The following ZDHHC3 variants were observed in gnomAD, a reference collection of about 807,000 sequenced individuals.
ZDHHC3 encodes the protein zDHHC palmitoyltransferase 3, also known as palmitoyltransferase ZDHHC3.
In ZDHHC3, 9 loss-of-function variants were observed where a neutral mutation model predicts 30.6. That is an observed-to-expected ratio of 0.29 (90% CI 0.18 to 0.51). The LOEUF (loss-of-function observed/expected upper bound fraction) is 0.51, where lower values mean the gene tolerates loss of function less well. ZDHHC3 is among the 20% of genes least tolerant of loss of function. ZDHHC3 has a pLI of 0.97. For synonymous variants in ZDHHC3, 136 were observed against 140.2 expected, an observed-to-expected ratio of 0.97 and a Z score of 0.21; for missense variants, 246 against 384.2, an observed-to-expected ratio of 0.64 and a Z score of 3.01.
rs115165718 is a variant in ZDHHC3, at chr3:44,938,671, C to T, written c.432-4687G>A. Among the ~76,000 whole-genome samples, 737 of 152,264 alleles carry T rather than the reference C, an allele frequency of 4.8e-3. 5 individuals are homozygous for T. Among genetic ancestry groups the T allele is most frequent in the African/African-American group, 0.017 (701 of 41,542 alleles). On this transcript the variant is annotated intron_variant, in intron 3 of 6. Transcript: ENST00000424952. ...GGTGGATGCTGGAGGAAGGGCTGGG[C>T]GTTGGGGCCTTGCTGGATCACACTC...
rs148559652 is a variant in ZDHHC3 at position 44,922,498 on chromosome 3, C to T, written c.*4191G>A. On this transcript the variant is annotated 3_prime_UTR_variant, in exon 7 of 7. Transcript: ENST00000424952. The stretch of plus-strand genomic sequence containing the variant: ...CTTGGCAGTTGTTTGTTGGGGAGGC[C>T]GCAGCTTATGAGGGAAGGCAGTCTC... The T allele has an allele frequency of 0.011, 10,589 of 985,354 alleles. 105 individuals carry two copies. The highest frequency in any genetic ancestry group is 0.044 in the African/African-American group (2,504 of 57,322). The allele number at this position is 985,354 out of a possible 1,614,324, so 61.0% of individuals were successfully genotyped here.
chr3:44,959,353 G>C lies in ZDHHC3; in HGVS notation c.84C>G (p.Pro28=). 6.2e-7 allele frequency: 1 copy of C among 1,614,222 alleles called. No homozygotes were observed. Among genetic ancestry groups the C allele is most frequent in the Non-Finnish European group, 8.5e-7 (1 of 1,180,016 alleles). ...ACATGGTTCCCACAGGACCAGGGTA[G>C]GGGGGTGGGACACACTTCTCTGGCT... ...YLQPEKCVPP[P]YPGPVGTMWF... The change falls in exon 2 of 7, where the codon CCC becomes CCG. Residue 28 remains proline (P), a synonymous_variant. Coordinates refer to ENST00000424952, the MANE Select transcript of ZDHHC3 (RefSeq NM_001135179.2). This position sits in a 1 kb window ranked among gnomAD's most constrained non-coding sequence, Gnocchi z 4.3.
rs895861085 is a variant in ZDHHC3, at chr3:44,918,204, A to G, written c.*8485T>C. The G allele has an allele frequency of 4.8e-6, 6 of 1,250,692 alleles. 1 individual carries two copies. In the Admixed American group the frequency reaches 7.5e-5, roughly 16 times the overall value. 77.5% of individuals were successfully genotyped at this position (1,250,692 alleles called of 1,614,324 possible). A position where few individuals can be genotyped will look rare whatever the true frequency, so the allele number is the denominator to read the frequency against. ...TGGTGCTGGGCTGTACAGCTCACAT[A>G]GACACCCCCAGCTATAGCATAGCAG... is the stretch of plus-strand genomic sequence containing the variant. On this transcript the variant is annotated 3_prime_UTR_variant, in exon 7 of 7. Transcript: ENST00000424952.
intron 2 of ZDHHC3, among the ~76,000 whole-genome samples, chr3:44,952,357 C>A (rs1575884041): frequency 6.6e-6 from 1 of 152,188 alleles, no homozygotes; most frequent in African/African-American, 2.4e-5. Flanking sequence ...TCATCATCTG[C>A]CCCAGACTAT....
chr3:44,929,647 C>G (rs1409238671), intron 5 of ZDHHC3, among the ~76,000 whole-genome samples: 1 of 152,202 alleles, frequency 6.6e-6, no homozygotes, highest in African/African-American at 2.4e-5. Context: ...CTCAACAGGC[C>G]AGGCCCCAGC....
Position 44,919,155 on chromosome 3 carries a change from C to G in ZDHHC3, c.*7534G>C, listed in dbSNP as rs1700421214. The G allele has an allele frequency of 1.1e-6, 1 of 950,710 alleles. No homozygotes were observed. Among genetic ancestry groups the G allele is most frequent in the African/African-American group, 1.8e-5 (1 of 56,316 alleles). The allele number at this position is 950,710 out of a possible 1,614,324, so 58.9% of individuals were successfully genotyped here. ...AAGTATATCCTCATAAGATACTTAT[C>G]AATTACAAAGGGAAAAACAGTACCT... On this transcript the variant is annotated 3_prime_UTR_variant, in exon 7 of 7. Transcript: ENST00000424952.
rs1700919142 is a variant in ZDHHC3, at chr3:44,925,625, A to G, written c.*1064T>C. On this transcript the variant is annotated 3_prime_UTR_variant, in exon 7 of 7. Transcript: ENST00000424952. Reference sequence around the variant, plus strand: ...TTTGAAAGGGTGGGGACTGTGAGGTAACCCCAGCATCATGGTCATCTCCAT... The same window carrying G: ...TTTGAAAGGGTGGGGACTGTGAGGTGACCCCAGCATCATGGTCATCTCCAT... 1.7e-5 allele frequency: 17 copies of G among 985,378 alleles called. No individual in the cohort carries two copies. Among genetic ancestry groups the G allele is most frequent in the Non-Finnish European group, 2.0e-5 (17 of 829,962 alleles). The allele number at this position is 985,378 out of a possible 1,614,324, so 61.0% of individuals were successfully genotyped here. A position where few individuals can be genotyped will look rare whatever the true frequency, so the allele number is the denominator to read the frequency against.
chr3:44,929,456 CAG>C lies in ZDHHC3; in HGVS notation c.611-22_611-21del. The stretch of plus-strand genomic sequence containing the variant: ...TGCACTCTGAAAGAGAAGCAGCACA[CAG>C]GGATTGGTACTGTCACCCACTGCCT... On this transcript the variant is annotated intron_variant, in intron 5 of 6. Transcript: ENST00000424952. The C allele has an allele frequency of 6.2e-7, 1 of 1,613,098 alleles. No individual in the cohort carries two copies. The highest frequency in any genetic ancestry group is 1.3e-5 in the African/African-American group (1 of 75,042).
At chr3:44,935,849 T>C (rs1029891109) in intron 3 of ZDHHC3, among the ~76,000 whole-genome samples, 1 of 152,066 alleles carries the variant, frequency 6.6e-6, no homozygotes, top group African/African-American at 2.4e-5. Context: ...CCTTACACCA[T>C]ATACAAAAAT....
intron 2 of ZDHHC3, among the ~76,000 whole-genome samples, chr3:44,954,907 G>C (rs1309178082): frequency 6.6e-6 from 1 of 152,186 alleles, no homozygotes; most frequent in African/African-American, 2.4e-5. Flanking sequence ...GGAAAAGAGA[G>C]AGAAGGGTAG....
chr3:44,971,471 T>C (rs1372978998), intron 1 of ZDHHC3, among the ~76,000 whole-genome samples: 1 of 152,218 alleles, frequency 6.6e-6, no homozygotes, highest in East Asian at 1.9e-4. Flanking sequence ...AGCAAATGAT[T>C]TTTTAAAATG....
intron 5 of ZDHHC3, among the ~76,000 whole-genome samples, chr3:44,930,283 G>T (rs975314026): frequency 6.6e-6 from 1 of 152,214 alleles, no homozygotes; most frequent in African/African-American, 2.4e-5. Context: ...GGAAGAGAAA[G>T]GCAAAGGTGC....
At chr3:44,951,398 T>C (rs1703437246) in intron 2 of ZDHHC3, among the ~76,000 whole-genome samples, 1 of 152,338 alleles carries the variant, frequency 6.6e-6, no homozygotes, top group African/African-American at 2.4e-5. Flanking sequence ...TAGGGTGTGA[T>C]GTGCCTCCAT....
chr3:44,925,519 A>T lies in ZDHHC3; in HGVS notation c.*1170T>A. 1 of 985,458 alleles carries T rather than the reference A, an allele frequency of 1.0e-6. No individual in the cohort carries two copies. The highest frequency in any genetic ancestry group is 1.2e-6 in the Non-Finnish European group (1 of 829,944). 61.0% of individuals were successfully genotyped at this position (985,458 alleles called of 1,614,324 possible). A position where few individuals can be genotyped will look rare whatever the true frequency, so the allele number is the denominator to read the frequency against. The stretch of plus-strand genomic sequence containing the variant: ...AGACTGACACAGGAAGTGCCTCTCA[A>T]ATGGAAAATCTATTCTGTCCCAGTG... On this transcript the variant is annotated 3_prime_UTR_variant, in exon 7 of 7. Coordinates refer to ENST00000424952, the MANE Select transcript of ZDHHC3 (RefSeq NM_001135179.2).
intron 3 of ZDHHC3, 121 bp from the exon 4 acceptor site, chr3:44,934,105 A>AG: frequency 3.1e-6 from 3 of 969,620 alleles, no homozygotes; most frequent in Non-Finnish European, 4.9e-6. Context: ...GGGCACTGCC[A>AG]GGGGTTTTGC....
intron 1 of ZDHHC3, among the ~76,000 whole-genome samples, chr3:44,963,520 C>T (rs1442733639): frequency 2.0e-5 from 3 of 148,930 alleles, no homozygotes; most frequent in Non-Finnish European, 3.0e-5. Flanking sequence ...AAACCCACCA[C>T]GAAACAAACT....
At chr3:44,970,560 G>A (rs1348943623) in intron 1 of ZDHHC3, among the ~76,000 whole-genome samples, 2 of 152,186 alleles carry the variant, frequency 1.3e-5, no homozygotes, top group African/African-American at 4.8e-5. Context: ...CTGTTCTCAG[G>A]AGCAAATTCA....
At chr3:44,933,261 C>A in intron 4 of ZDHHC3, 62 bp from the exon 5 acceptor site, 1 of 1,523,416 alleles carries the variant, frequency 6.6e-7, no homozygotes, top group Non-Finnish European at 9.1e-7. Context: ...CACGGGCTCC[C>A]GGGACAGGGG....
intron 1 of ZDHHC3, among the ~76,000 whole-genome samples, chr3:44,974,284 G>A (rs1705684918): frequency 6.6e-6 from 1 of 152,184 alleles, no homozygotes; most frequent in South Asian, 2.1e-4. Flanking sequence ...TCAAATACAT[G>A]TTCTATATTT....
Sources: gnomAD v4.1 joint callset for allele counts (sites outside exome capture counted in the v4.1 genomes callset) on GRCh38, gnomAD v4.1.1 for gene constraint, Gnocchi (gnomAD v3.1) non-coding constraint, MANE v1.5 for transcripts, NCBI Gene and HGNC (gene_info 2026-07-23, HGNC 2026-07-21) for gene names.